SPECC1L: variants seen among roughly 807,000 people sequenced by gnomAD.
SPECC1L encodes the protein sperm antigen with calponin homology and coiled-coil domains 1 like, also known as cytospin-A.
Under a neutral mutation model 116.8 loss-of-function variants are expected in SPECC1L, and 40 were observed. The ratio of observed to expected loss-of-function variants is 0.34; its 90% CI spans 0.27 to 0.45. SPECC1L has a LOEUF of 0.45. Ranked by LOEUF, SPECC1L falls within the 20% of genes least tolerant of loss-of-function variation. The pLI, the probability that SPECC1L is intolerant of heterozygous loss-of-function variation, is 1.00. For synonymous variants in SPECC1L, 504 were observed against 500.6 expected (o/e 1.01, Z -0.09); for missense variants, 1,110 against 1,373.6 (o/e 0.81, Z 3.03).
intron 14 of SPECC1L, among the ~76,000 whole-genome samples, chr22:24,379,977 T>C (rs1156595666): frequency 6.6e-6 from 1 of 152,120 alleles, no homozygotes; most frequent in Non-Finnish European, 1.5e-5. Context: ...TCCATCTCCT[T>C]CTCCTGCCTC....
chr22:24,329,867 A>G (rs972029971), intron 7 of SPECC1L, among the ~76,000 whole-genome samples: 21 of 151,488 alleles, frequency 1.4e-4, no homozygotes, highest in African/African-American at 5.1e-4. Flanking sequence ...TATGGTTCAC[A>G]TACCATTTAT....
At chr22:24,384,183 G>T (rs2042117916) in intron 14 of SPECC1L, among the ~76,000 whole-genome samples, 1 of 151,836 alleles carries the variant, frequency 6.6e-6, no homozygotes, top group Non-Finnish European at 1.5e-5. Context: ...CCAAAAGAGA[G>T]GGCTAGGAGT....
intron 14 of SPECC1L, among the ~76,000 whole-genome samples, chr22:24,405,358 G>T (rs891264797): frequency 1.0e-3 from 153 of 151,998 alleles, no homozygotes; most frequent in African/African-American, 3.4e-3. Flanking sequence ...GCAGGTGGAG[G>T]TTTACAGGTC....
At chr22:24,278,027 C>T (rs2048870662) in intron 2 of SPECC1L, among the ~76,000 whole-genome samples, 1 of 152,160 alleles carries the variant, frequency 6.6e-6, no homozygotes, top group African/African-American at 2.4e-5. Context: ...TCCACTTCCT[C>T]ACCAGTGTAT....
In SPECC1L at chr22:24,280,987, G is replaced by A. The variant is rs761665460; in HGVS notation, c.-38+4184G>A. ...CAAGTGATGGGTCAGATTTGGCCCCGGATTGTGGTTTGTTTACCCCTGTTA... is the reference window on the plus strand; with the variant it reads ...CAAGTGATGGGTCAGATTTGGCCCCAGATTGTGGTTTGTTTACCCCTGTTA... On this transcript the variant is annotated intron_variant, in intron 2 of 16. Coordinates refer to ENST00000314328, the MANE Select transcript of SPECC1L (RefSeq NM_015330.6). Among the ~76,000 whole-genome samples the A allele has an allele frequency of 4.6e-5, 7 of 152,130 alleles. No homozygotes were observed. The South Asian group carries it at 6.2e-4, about 13-fold the overall frequency.
In SPECC1L at chr22:24,416,047, G is replaced by T. The variant is rs2042794947; in HGVS notation, c.*1424G>T. The T allele has an allele frequency of 1.3e-5, 2 of 152,300 alleles. No individual in the cohort carries two copies. Among genetic ancestry groups the T allele is most frequent in the South Asian group, 4.1e-4 (2 of 4,832 alleles). 9.4% of individuals were successfully genotyped at this position (152,300 alleles called of 1,614,324 possible). Reference sequence around the variant, plus strand: ...GTGGAAGCGGGGTCACTGCCCCACAGACTGGATGCAATGAGGGGCTCACAG... The same window carrying T: ...GTGGAAGCGGGGTCACTGCCCCACATACTGGATGCAATGAGGGGCTCACAG... On this transcript the variant is annotated 3_prime_UTR_variant, in exon 17 of 17. Transcript: ENST00000314328.
intron 11 of SPECC1L, among the ~76,000 whole-genome samples, chr22:24,351,808 A>G (rs1034469347): frequency 2.6e-5 from 4 of 152,190 alleles, no homozygotes; most frequent in African/African-American, 9.7e-5. Context: ...TTATTTACTT[A>G]GGGATGAATT....
Position 24,302,799 on chromosome 22 carries a change from C to T in SPECC1L, c.153+415C>T, listed in dbSNP as rs868756464. On this transcript the variant is annotated intron_variant, in intron 3 of 16. Transcript: ENST00000314328. Reference sequence around the variant, plus strand: ...CAGGTAAGTAAATATTGTTTCAAGCCTGGGAAGGTTTTATGAAAAGGTCAT... The same window carrying T: ...CAGGTAAGTAAATATTGTTTCAAGCTTGGGAAGGTTTTATGAAAAGGTCAT... 3.3e-5 allele frequency among the ~76,000 whole-genome samples: 5 copies of T among 152,132 alleles called. No homozygotes were observed. In the South Asian group the frequency reaches 8.3e-4, roughly 25 times the overall value.
At chr22:24,389,851 A>C (rs1022251948) in intron 14 of SPECC1L, among the ~76,000 whole-genome samples, 7 of 152,172 alleles carry the variant, frequency 4.6e-5, no homozygotes, top group African/African-American at 1.4e-4. Context: ...TGCACAACCC[A>C]GGCATGAGAT....
intron 11 of SPECC1L, among the ~76,000 whole-genome samples, chr22:24,354,238 G>A (rs890542250): frequency 6.6e-6 from 1 of 152,170 alleles, no homozygotes; most frequent in African/African-American, 2.4e-5. Context: ...ATTTGGAGGG[G>A]ACAGACACCT....
rs895153520 is a variant in SPECC1L at position 24,407,527 on chromosome 22, G to A, written c.3088-4061G>A. 2.6e-5 allele frequency among the ~76,000 whole-genome samples: 4 copies of A among 152,314 alleles called. No homozygotes were observed. In the East Asian group the frequency reaches 7.7e-4, roughly 29 times the overall value. ...CCTGCCAGAGCTGCCTGCGTTTCAGGGAGCAGAAGGGGCGGCTGCGGCAGG... is the reference window on the plus strand; with the variant it reads ...CCTGCCAGAGCTGCCTGCGTTTCAGAGAGCAGAAGGGGCGGCTGCGGCAGG... On this transcript the variant is annotated intron_variant, in intron 14 of 16. Coordinates refer to ENST00000314328, the MANE Select transcript of SPECC1L (RefSeq NM_015330.6).
intron 14 of SPECC1L, among the ~76,000 whole-genome samples, chr22:24,385,861 A>G (rs2042151160): frequency 6.6e-6 from 1 of 152,212 alleles, no homozygotes; most frequent in Admixed American, 6.5e-5. Flanking sequence ...TAGTAGAGCT[A>G]TAGAAGATGT....
In SPECC1L at chr22:24,321,645, G is replaced by T; in HGVS notation, c.665G>T (p.Gly222Val). 1 of 1,614,190 alleles carries T rather than the reference G, an allele frequency of 6.2e-7. No homozygotes were observed. The highest frequency in any genetic ancestry group is 8.5e-7 in the Non-Finnish European group (1 of 1,180,040). ...GGCATTAATGAGGATCATTCTGAGG[G>T]TGATGAAAAATCTGAGAAGGAAACT... is the stretch of plus-strand genomic sequence containing the variant. The part of the protein sequence containing the change: ...QLGINEDHSE[G>V]DEKSEKETIM... Residue 222 changes from glycine to valine, a missense_variant, in exon 5 of 17, where the codon GGT (glycine) becomes GTT (valine). Around this residue, in one of 4 missense-constraint regions of SPECC1L, gnomAD observed 437 missense variants for 482.6 expected, o/e 0.91. Transcript: ENST00000314328.
At chr22:24,317,742 G>A (rs1413582682) in intron 4 of SPECC1L, among the ~76,000 whole-genome samples, 4 of 148,136 alleles carry the variant, frequency 2.7e-5, no homozygotes, top group African/African-American at 5.1e-5. Context: ...GCTGCCGGGC[G>A]GAGGGGCTCC....
chr22:24,274,214 A>G (rs1331171983), intron 1 of SPECC1L, among the ~76,000 whole-genome samples: 2 of 152,230 alleles, frequency 1.3e-5, no homozygotes, highest in African/African-American at 4.8e-5. Context: ...TCAGTCTTTT[A>G]CTGTGAAATA....
At chr22:24,341,436 A>G (rs2041175605) in intron 10 of SPECC1L, among the ~76,000 whole-genome samples, 2 of 152,198 alleles carry the variant, frequency 1.3e-5, no homozygotes, top group Non-Finnish European at 2.9e-5. Context: ...ACCTCTTTGA[A>G]TAGATGGCAT....
intron 14 of SPECC1L, among the ~76,000 whole-genome samples, chr22:24,408,075 T>A (rs2042625782): frequency 6.6e-6 from 1 of 151,096 alleles, no homozygotes; most frequent in Non-Finnish European, 1.5e-5. Context: ...GCTGTGAGAG[T>A]GAAAGTGAGT....
chr22:24,328,808 T>C, intron 6 of SPECC1L, 38 bp from the exon 7 acceptor site: 2 of 1,487,296 alleles, frequency 1.3e-6, no homozygotes, highest in East Asian at 2.3e-5. Flanking sequence ...TGAAGATTGT[T>C]GTGAGAATAG....
At chr22:24,382,500 C>T (rs1205515571) in intron 14 of SPECC1L, among the ~76,000 whole-genome samples, 1 of 152,036 alleles carries the variant, frequency 6.6e-6, no homozygotes, top group Middle Eastern at 3.4e-3. Context: ...GTCAGGAGAT[C>T]GAGACCATCC....
Sources: gnomAD v4.1 joint callset for allele counts (sites outside exome capture counted in the v4.1 genomes callset) on GRCh38, gnomAD v4.1.1 for gene constraint, gnomAD v4.1.1 regional missense constraint, MANE v1.5 for transcripts, NCBI Gene and HGNC (gene_info 2026-07-23, HGNC 2026-07-21) for gene names.